PRKD1: variants seen among roughly 807,000 people sequenced by gnomAD.
PRKD1 encodes the protein protein kinase D1.
PRKD1 carries 63 observed loss-of-function variants against 95.9 expected under a neutral mutation model. The observed-to-expected ratio is 0.66, with a 90% CI of 0.54 to 0.81. PRKD1 has a LOEUF of 0.81. Among genes scored for constraint, PRKD1 ranks in the 30% least tolerant of loss-of-function variants. The pLI is 0.00. For missense variants in PRKD1, 1,048 were observed against 1,165.3 expected (o/e 0.90, Z 1.47); for synonymous variants, 425 against 423.1 (o/e 1.00, Z -0.05).
chr14:29,915,670 T>C (rs934381502), intron 1 of PRKD1, among the ~76,000 whole-genome samples: 14 of 152,172 alleles, frequency 9.2e-5, no homozygotes, highest in African/African-American at 3.4e-4. Context: ...GAATTCCAGA[T>C]GAGGGAAGCC....
intron 2 of PRKD1, among the ~76,000 whole-genome samples, chr14:29,703,151 A>C (rs1016788971): frequency 1.3e-5 from 2 of 152,046 alleles, no homozygotes; most frequent in African/African-American, 4.8e-5. Flanking sequence ...ATATTTACCA[A>C]TCCTCAACTC....
intron 2 of PRKD1, among the ~76,000 whole-genome samples, chr14:29,676,183 G>GTTTTTTTTTTTTTTTTTTTTTTTT (rs34953735): frequency 4.4e-5 from 3 of 67,450 alleles, no homozygotes; most frequent in Non-Finnish European, 8.3e-5. Flanking sequence ...TTACGTTTTT[G>GTTTTTTTTTTTTTTTTTTTTTTTT]TTTTTTTTTT....
chr14:29,817,232 G>T (rs1425390556), intron 1 of PRKD1, among the ~76,000 whole-genome samples: 1 of 152,142 alleles, frequency 6.6e-6, no homozygotes, highest in East Asian at 1.9e-4. Context: ...TGCTGTGAGT[G>T]ATCAGGGGCC....
intron 1 of PRKD1, among the ~76,000 whole-genome samples, chr14:29,778,386 A>G (rs76364827): frequency 0.17 from 26,391 of 152,106 alleles, 2,451 homozygotes; most frequent in South Asian, 0.23. Flanking sequence ...TTGATAGACC[A>G]CTAGCAAGAT....
intron 1 of PRKD1, among the ~76,000 whole-genome samples, chr14:29,842,947 G>T (rs959254446): frequency 1.3e-5 from 2 of 152,084 alleles, no homozygotes; most frequent in African/African-American, 4.8e-5. Flanking sequence ...ATCCAAAAGT[G>T]AAATGGTAAA....
intron 1 of PRKD1, among the ~76,000 whole-genome samples, chr14:29,818,705 T>G (rs1044920706): frequency 9.2e-5 from 14 of 152,094 alleles, no homozygotes; most frequent in Non-Finnish European, 2.9e-5. Flanking sequence ...AATAGTTATT[T>G]TATTTCTCCT....
chr14:29,667,070 G>A (rs775096662), intron 2 of PRKD1, among the ~76,000 whole-genome samples: 24 of 152,166 alleles, frequency 1.6e-4, no homozygotes, highest in Non-Finnish European at 2.8e-4. Context: ...GCGGAAAGAT[G>A]AGCTTTTTTC....
At chr14:29,812,445 G>A (rs564731481) in intron 1 of PRKD1, among the ~76,000 whole-genome samples, 2 of 152,150 alleles carry the variant, frequency 1.3e-5, no homozygotes, top group Non-Finnish European at 2.9e-5. Context: ...GGAGGAAAGC[G>A]TTCAGTTATC....
At chr14:29,694,779 A>T (rs892082492) in intron 2 of PRKD1, among the ~76,000 whole-genome samples, 2 of 152,174 alleles carry the variant, frequency 1.3e-5, no homozygotes. Context: ...AGTAAGAGTG[A>T]GAAAATGAAG....
chr14:29,606,175 G>T (rs541905451), intron 13 of PRKD1, among the ~76,000 whole-genome samples: 7 of 152,182 alleles, frequency 4.6e-5, no homozygotes, highest in African/African-American at 1.7e-4. Context: ...ACCATGCCTG[G>T]CTAATTTTTG....
chr14:29,817,623 T>C (rs1352190012), intron 1 of PRKD1, among the ~76,000 whole-genome samples: 3 of 152,192 alleles, frequency 2.0e-5, no homozygotes, highest in Non-Finnish European at 2.9e-5. Context: ...ATCTCCATTT[T>C]ACAGACGAGA....
intron 1 of PRKD1, among the ~76,000 whole-genome samples, chr14:29,894,165 G>A (rs1463560238): frequency 6.6e-6 from 1 of 152,214 alleles, no homozygotes; most frequent in Admixed American, 6.5e-5. Flanking sequence ...AAGTGGATGG[G>A]AGGTGGAGGA....
At position 29,805,467 on chromosome 14, in the gene PRKD1, T is replaced by C. The variant is rs193132777; in HGVS notation, c.265-79793A>G. On this transcript the variant is annotated intron_variant, in intron 1 of 17. Transcript: ENST00000331968. Reference sequence around the variant, plus strand: ...ATATCAATAGGTGTTGCCAGAAAAATAGAATGCTAATAGAAGGCTGAATGA... The same window carrying C: ...ATATCAATAGGTGTTGCCAGAAAAACAGAATGCTAATAGAAGGCTGAATGA... Among the ~76,000 whole-genome samples, 19 of 152,164 alleles carry C rather than the reference T, an allele frequency of 1.2e-4. 1 individual carries two copies. Among genetic ancestry groups the C allele is most frequent in the Admixed American group, 3.3e-4 (5 of 15,288 alleles).
At chr14:29,805,240 T>C (rs901201037) in intron 1 of PRKD1, among the ~76,000 whole-genome samples, 1 of 152,140 alleles carries the variant, frequency 6.6e-6, no homozygotes, top group African/African-American at 2.4e-5. Flanking sequence ...ATTAGATTGG[T>C]CGGGGGAAGA....
At chr14:29,740,540 C>A (rs899917514) in intron 1 of PRKD1, among the ~76,000 whole-genome samples, 1 of 152,176 alleles carries the variant, frequency 6.6e-6, no homozygotes, top group Non-Finnish European at 1.5e-5. Flanking sequence ...AGTTCTGCTT[C>A]TCTTAGAAAG....
At chr14:29,605,455 A>G (rs1893671248) in intron 13 of PRKD1, among the ~76,000 whole-genome samples, 2 of 152,136 alleles carry the variant, frequency 1.3e-5, no homozygotes, top group South Asian at 4.1e-4. Context: ...CTATGTTTTC[A>G]TACATACTAC....
At chr14:29,755,814 G>A (rs1281394833) in intron 1 of PRKD1, among the ~76,000 whole-genome samples, 1 of 152,136 alleles carries the variant, frequency 6.6e-6, no homozygotes, top group Non-Finnish European at 1.5e-5. Context: ...GTATGCAGTA[G>A]CTTTGATCTC....
At chr14:29,839,916 A>T (rs1891764124) in intron 1 of PRKD1, among the ~76,000 whole-genome samples, 1 of 150,772 alleles carries the variant, frequency 6.6e-6, no homozygotes, top group Non-Finnish European at 1.5e-5. Flanking sequence ...CCACAAAACC[A>T]TTTTTTCCTC....
chr14:29,771,542 G>C (rs1888508059), intron 1 of PRKD1, among the ~76,000 whole-genome samples: 1 of 152,044 alleles, frequency 6.6e-6, no homozygotes, highest in Admixed American at 6.6e-5. Flanking sequence ...AGCAGCAGGG[G>C]CATAGCTACA....
Sources: allele counts gnomAD v4.1 joint callset (sites outside exome capture counted in the v4.1 genomes callset), GRCh38; gene constraint gnomAD v4.1.1; transcripts MANE v1.5; gene names NCBI Gene and HGNC (gene_info 2026-07-23, HGNC 2026-07-21).